The following PLCG2 variants were observed in gnomAD, a reference collection of about 807,000 sequenced individuals.
The protein encoded by PLCG2 is 1-phosphatidylinositol 4,5-bisphosphate phosphodiesterase gamma-2.
PLCG2 carries 69 observed loss-of-function variants against 175.6 expected under a neutral mutation model. The observed-to-expected ratio is 0.39, with a 90% CI of 0.32 to 0.48. The LOEUF (loss-of-function observed/expected upper bound fraction) is 0.48, where lower values mean the gene tolerates loss of function less well. Among genes scored for constraint, PLCG2 ranks in the 20% least tolerant of loss-of-function variants. The pLI is 0.91. For synonymous variants in PLCG2, 827 were observed against 624.0 expected (o/e 1.33, Z -4.85); for missense variants, 1,798 against 1,650.9 (o/e 1.09, Z -1.54).
In PLCG2 at chr16:81,889,287, G is replaced by T; in HGVS notation, c.867+14G>T. ...TTTGTGGATGAGGTGAGTAGGCTGG[G>T]CTTGTTGTCGCTTGGGGGTGACTTT... On this transcript the variant is annotated intron_variant, in intron 10 of 32. Transcript: ENST00000564138. 1 of 1,392,714 alleles carries T rather than the reference G, an allele frequency of 7.2e-7. No individual in the cohort carries two copies. The allele number at this position is 1,392,714 out of a possible 1,614,324, so 86.3% of individuals were successfully genotyped here.
At chr16:81,854,628 T>C (rs759508020) in intron 3 of PLCG2, 41 bp downstream of exon 3, 2 of 1,594,138 alleles carry the variant, frequency 1.3e-6, no homozygotes, top group Admixed American at 1.7e-5. Context: ...CCCTGTGCCT[T>C]AGTGTCTTCC....
At chr16:81,822,761 C>CAAAAAAA (rs59970301) in intron 2 of PLCG2, among the ~76,000 whole-genome samples, 36,963 of 69,686 alleles carry the variant, frequency 0.53, 10,915 homozygotes, top group East Asian at 0.77. Context: ...GACTCCATCT[C>CAAAAAAA]AAAAAAAAAA....
chr16:81,938,954 C>T (rs775676546), intron 29 of PLCG2, 39 bp downstream of exon 29: 41 of 1,173,760 alleles, frequency 3.5e-5, no homozygotes, highest in Non-Finnish European at 4.6e-5. Flanking sequence ...TTTAAACGTC[C>T]GGCCAGTGAA....
Position 81,934,539 on chromosome 16 carries a change from C to T in PLCG2, c.2842+8C>T. On this transcript the variant is annotated splice_region_variant and intron_variant, in intron 26 of 32. Transcript: ENST00000564138. ...AAACCAAGGACAACTTAGGTAACATCTTTCCCAAGAACATGCCCTATAACT... is the reference window on the plus strand; with the variant it reads ...AAACCAAGGACAACTTAGGTAACATTTTTCCCAAGAACATGCCCTATAACT... 1 of 1,545,458 alleles carries T rather than the reference C, an allele frequency of 6.5e-7. No individual in the cohort carries two copies. Among genetic ancestry groups the T allele is most frequent in the Non-Finnish European group, 8.9e-7 (1 of 1,117,770 alleles).
chr16:81,833,365 G>C (rs1296131055), intron 2 of PLCG2, among the ~76,000 whole-genome samples: 1 of 152,050 alleles, frequency 6.6e-6, no homozygotes, highest in African/African-American at 2.4e-5. Context: ...CTGGACTGTG[G>C]CTCCGGTCGG....
At chr16:81,936,055 G>A (rs181033879) in intron 26 of PLCG2, 114 bp from the exon 27 acceptor site, 5 of 1,486,508 alleles carry the variant, frequency 3.4e-6, no homozygotes, top group Admixed American at 2.2e-5. Context: ...GAATGTCAAA[G>A]AGGGAGATTC....
At chr16:81,768,330 G>C (rs1334913935) in intron 2 of PLCG2, among the ~76,000 whole-genome samples, 1 of 152,170 alleles carries the variant, frequency 6.6e-6, no homozygotes, top group Non-Finnish European at 1.5e-5. Context: ...GTTGTTTCCA[G>C]TTTGCAGTGA....
chr16:81,873,824 C>G (rs868552828), intron 7 of PLCG2, among the ~76,000 whole-genome samples: 1 of 152,158 alleles, frequency 6.6e-6, no homozygotes, highest in African/African-American at 2.4e-5. Context: ...GTTTCACCTG[C>G]TACCAGATTA....
At chr16:81,758,760 C>G (rs1269629831) in intron 2 of PLCG2, among the ~76,000 whole-genome samples, 1 of 151,694 alleles carries the variant, frequency 6.6e-6, no homozygotes, top group Non-Finnish European at 1.5e-5. Context: ...TCACTGCAAC[C>G]TTTGCCTCCC....
At chr16:81,875,179 G>T (rs761542691) in intron 7 of PLCG2, among the ~76,000 whole-genome samples, 1 of 151,962 alleles carries the variant, frequency 6.6e-6, no homozygotes, top group Non-Finnish European at 1.5e-5. Flanking sequence ...GGCCAGGCTA[G>T]TCTCGAACTC....
At chr16:81,765,770 C>G (rs1283003246) in intron 2 of PLCG2, among the ~76,000 whole-genome samples, 3 of 152,166 alleles carry the variant, frequency 2.0e-5, no homozygotes, top group Non-Finnish European at 4.4e-5. Flanking sequence ...ACATTTTAGC[C>G]CCTTCTGAAT....
chr16:81,745,480 C>T (rs565311574), intron 1 of PLCG2, among the ~76,000 whole-genome samples: 8 of 152,114 alleles, frequency 5.3e-5, no homozygotes, highest in South Asian at 2.1e-4. Flanking sequence ...ATTTAACAAC[C>T]GAGATAACAT....
At chr16:81,912,863 G>A (rs1909690982) in intron 19 of PLCG2, 147 bp downstream of exon 19, 1 of 1,028,960 alleles carries the variant, frequency 9.7e-7, no homozygotes, top group Non-Finnish European at 1.4e-6. Flanking sequence ...CACAGCAAAA[G>A]CCGCTGCGAG....
intron 22 of PLCG2, among the ~76,000 whole-genome samples, chr16:81,924,058 G>T (rs941611231): frequency 6.6e-6 from 1 of 152,190 alleles, no homozygotes; most frequent in Non-Finnish European, 1.5e-5. Context: ...ATTCAAATTC[G>T]TATGCTGTTC....
At chr16:81,859,080 C>G (rs775934951) in intron 4 of PLCG2, 36 bp from the exon 5 acceptor site, 4 of 1,345,386 alleles carry the variant, frequency 3.0e-6, no homozygotes, top group Admixed American at 1.7e-5. Context: ...CTAATTTTCT[C>G]TTTCTCTCTT....
chr16:81,830,647 G>GATGT (rs112990942), intron 2 of PLCG2, among the ~76,000 whole-genome samples: 17 of 149,508 alleles, frequency 1.1e-4, no homozygotes, highest in South Asian at 4.2e-4. Flanking sequence ...AAATGTGTGG[G>GATGT]GTGTGTGTGT....
At position 81,958,044 on chromosome 16, in the gene PLCG2, G is replaced by T; in HGVS notation, c.*46G>T. On this transcript the variant is annotated 3_prime_UTR_variant, in exon 33 of 33. Coordinates refer to ENST00000564138, the MANE Select transcript of PLCG2 (RefSeq NM_002661.5). ...GGGTATTGTGTGTGTGCGCATGTGT[G>T]TTTGCATGTAGGAGAACGTGCCCTA... The T allele has an allele frequency of 2.2e-6, 3 of 1,385,694 alleles. No individual in the cohort carries two copies. The highest frequency in any genetic ancestry group is 3.1e-6 in the Non-Finnish European group (3 of 971,706). 85.8% of individuals were successfully genotyped at this position (1,385,694 alleles called of 1,614,324 possible). A position where few individuals can be genotyped will look rare whatever the true frequency, so the allele number is the denominator to read the frequency against.
At chr16:81,919,356 A>G (rs1271448984) in intron 19 of PLCG2, 128 bp from the exon 20 acceptor site, 1 of 678,654 alleles carries the variant, frequency 1.5e-6, no homozygotes, top group South Asian at 1.8e-5. Flanking sequence ...TAGGAGGACT[A>G]TACCCTGTTT....
intron 2 of PLCG2, among the ~76,000 whole-genome samples, chr16:81,766,430 G>C (rs1450089781): frequency 1.3e-5 from 2 of 151,968 alleles, no homozygotes. Context: ...CCCACTGCCT[G>C]AGAAGTCCAT....
Sources: gnomAD v4.1 joint callset for allele counts (sites outside exome capture counted in the v4.1 genomes callset) on GRCh38, gnomAD v4.1.1 for gene constraint, MANE v1.5 for transcripts, NCBI Gene and HGNC (gene_info 2026-07-23, HGNC 2026-07-21) for gene names.